Variants in HM13 observed in about 807,000 individuals in gnomAD.
The protein encoded by HM13 is histocompatibility minor 13, also known as signal peptide peptidase.
A neutral mutation model predicts 50.0 loss-of-function variants in HM13; 18 were observed. The observed-to-expected ratio is 0.36, with a 90% CI of 0.25 to 0.53. The LOEUF is 0.53. HM13 is among the 20% of genes least tolerant of loss of function. HM13 has a pLI of 0.90. For synonymous variants in HM13, 197 were observed against 232.6 expected, an observed-to-expected ratio of 0.85 and a Z score of 1.39; for missense variants, 393 against 552.4, an observed-to-expected ratio of 0.71 and a Z score of 2.89.
At chr20:31,548,362 T>A (rs1435593664) in intron 4 of HM13, 11 of 253,390 alleles carry the variant, frequency 4.3e-5, no homozygotes, top group Middle Eastern at 1.3e-3. Context: ...TGGTCTAACA[T>A]CAAGATGTCT....
intron 2 of HM13, among the ~76,000 whole-genome samples, chr20:31,532,347 C>G (rs1982869831): frequency 6.6e-6 from 1 of 152,172 alleles, no homozygotes; most frequent in South Asian, 2.1e-4. Context: ...ATCGCTTGAA[C>G]CAGGGAGTCG....
chr20:31,553,535 A>C (rs1984141629), intron 7 of HM13, among the ~76,000 whole-genome samples: 1 of 152,088 alleles, frequency 6.6e-6, no homozygotes, highest in Non-Finnish European at 1.5e-5. Context: ...TACCCGTTTC[A>C]CAGGTGACAA....
intron 7 of HM13, chr20:31,554,534 T>C (rs1036839788): frequency 6.1e-6 from 3 of 490,678 alleles, no homozygotes; most frequent in African/African-American, 5.9e-5. Flanking sequence ...TACAAAAAAT[T>C]AGCTGGGTGC....
intron 2 of HM13, among the ~76,000 whole-genome samples, chr20:31,534,461 T>A (rs1274055055): frequency 6.6e-6 from 1 of 152,030 alleles, no homozygotes; most frequent in African/African-American, 2.4e-5. Context: ...GGATTTACCA[T>A]GTGTTTGAAT....
At chr20:31,519,902 C>CGGT (rs957594443) in intron 1 of HM13, among the ~76,000 whole-genome samples, 21 of 142,606 alleles carry the variant, frequency 1.5e-4, no homozygotes, top group African/African-American at 5.3e-4. Flanking sequence ...AGTGTGAGTG[C>CGGT]GGTGGTGCCA....
intron 10 of HM13, chr20:31,563,185 C>A (rs1315177981): frequency 6.6e-6 from 1 of 152,478 alleles, no homozygotes. Context: ...GAACCCTGCC[C>A]CAAGGCCTGT....
intron 2 of HM13, among the ~76,000 whole-genome samples, chr20:31,530,049 G>A (rs1035480965): frequency 2.0e-5 from 3 of 152,154 alleles, no homozygotes; most frequent in Admixed American, 6.5e-5. Flanking sequence ...CAGTACTTTG[G>A]GAGGCTAAGG....
At chr20:31,549,999 G>A in intron 6 of HM13, 65 bp from the exon 7 acceptor site, 1 of 1,199,550 alleles carries the variant, frequency 8.3e-7, no homozygotes, top group Non-Finnish European at 1.2e-6. Context: ...GAAGCCCAGG[G>A]ACAGCCATTC....
intron 9 of HM13, among the ~76,000 whole-genome samples, chr20:31,560,866 G>A (rs1984563571): frequency 6.6e-6 from 1 of 152,224 alleles, no homozygotes; most frequent in African/African-American, 2.4e-5. Flanking sequence ...GGAGAGAAGG[G>A]GGTCAGAAGC....
chr20:31,568,920 G>C (rs1281599164), intron 12 of HM13, among the ~76,000 whole-genome samples, 200 bp from the exon 13 acceptor site: 1 of 152,232 alleles, frequency 6.6e-6, no homozygotes, highest in East Asian at 1.9e-4. Flanking sequence ...CTCAGAGAAA[G>C]CAGAGCAGCC....
intron 2 of HM13, among the ~76,000 whole-genome samples, chr20:31,534,120 C>T (rs1358817741): frequency 1.3e-5 from 2 of 152,110 alleles, no homozygotes; most frequent in East Asian, 3.9e-4. Flanking sequence ...TCATGCAATC[C>T]TCCCGCCTTG....
intron 4 of HM13, chr20:31,547,623 TAATC>T: frequency 6.3e-7 from 1 of 1,578,532 alleles, no homozygotes. Context: ...AACCATGGCT[TAATC>T]AAATCATGCC....
In HM13 at chr20:31,549,232, G is replaced by C; in HGVS notation, c.566G>C (p.Gly189Ala). Residue 189 changes from glycine (G) to alanine (A), a missense_variant, in exon 6 of 13, where the codon GGC becomes GCC. Gly to Ala is a moderately conservative substitution (Grantham distance 60). Transcript: ENST00000398174. Reference protein sequence around the residue: ...RKHWIANNLFGLAFSLNGVEL... With the variant: ...RKHWIANNLFALAFSLNGVEL... ...CACTGGATTGCCAACAACCTTTTTG[G>C]CCTGGCCTTCTCCCTTAATGGAGTA... is the stretch of plus-strand genomic sequence containing the variant. The C allele has an allele frequency of 6.2e-7, 1 of 1,614,142 alleles. No individual in the cohort carries two copies. Among genetic ancestry groups the C allele is most frequent in the Non-Finnish European group, 8.5e-7 (1 of 1,180,022 alleles).
intron 7 of HM13, 189 bp downstream of exon 7, chr20:31,550,310 C>G: frequency 1.7e-6 from 1 of 590,370 alleles, no homozygotes. Context: ...AGGTCCCGGC[C>G]CCTGGCCACT....
chr20:31,528,539 C>T (rs944255485), intron 2 of HM13, among the ~76,000 whole-genome samples: 3 of 152,116 alleles, frequency 2.0e-5, no homozygotes, highest in Non-Finnish European at 2.9e-5. Flanking sequence ...AGTGCAGTGG[C>T]GCAATTTCGG....
intron 1 of HM13, among the ~76,000 whole-genome samples, chr20:31,515,073 C>T (rs930471173): frequency 6.6e-6 from 1 of 152,228 alleles, no homozygotes; most frequent in Non-Finnish European, 1.5e-5. Context: ...TGTTCTGAGC[C>T]TGTTGGGCCC....
intron 8 of HM13, among the ~76,000 whole-genome samples, chr20:31,557,853 A>G (rs1984401384): frequency 6.6e-6 from 1 of 152,076 alleles, no homozygotes; most frequent in South Asian, 2.1e-4. Flanking sequence ...GATTACAGGC[A>G]TGTGCCACCA....
In HM13 at chr20:31,561,629, T is replaced by C. The variant is rs370991524; in HGVS notation, c.846-5T>C. On this transcript the variant is annotated splice_polypyrimidine_tract_variant and splice_region_variant and intron_variant, in intron 9 of 12. Coordinates refer to ENST00000398174, the MANE Select transcript of HM13 (RefSeq NM_178581.3). ...TCCTCCTCTTTCTTCACACCTTCCC[T>C]GCAGCTTGAAGAAGAATACCCACAC... is the stretch of plus-strand genomic sequence containing the variant. The C allele has an allele frequency of 6.9e-6, 11 of 1,598,492 alleles. No individual in the cohort carries two copies. In the African/African-American group the frequency reaches 1.5e-4, roughly 21 times the overall value.
At chr20:31,561,789 C>T (rs533575171) in intron 10 of HM13, 53 bp downstream of exon 10, 1 of 1,215,098 alleles carries the variant, frequency 8.2e-7, no homozygotes, top group African/African-American at 1.5e-5. Flanking sequence ...AATAGAGGGA[C>T]TTACAGAGGG....
Sources: allele counts gnomAD v4.1 joint callset (sites outside exome capture counted in the v4.1 genomes callset), GRCh38; gene constraint gnomAD v4.1.1; transcripts MANE v1.5; gene names NCBI Gene and HGNC (gene_info 2026-07-23, HGNC 2026-07-21).